TSHZ2: variants seen among roughly 807,000 people sequenced by gnomAD.
TSHZ2 encodes teashirt zinc finger homeobox 2.
A neutral mutation model predicts 74.4 loss-of-function variants in TSHZ2; 21 were observed. The observed-to-expected ratio is 0.28, with a 90% CI of 0.20 to 0.41. TSHZ2 has a LOEUF of 0.41. TSHZ2 is among the 10% of genes least tolerant of loss of function. The pLI is 1.00. For synonymous variants in TSHZ2, 540 were observed against 515.3 expected, an observed-to-expected ratio of 1.05 and a Z score of -0.65; for missense variants, 1,244 against 1,293.5, an observed-to-expected ratio of 0.96 and a Z score of 0.59.
At position 53,342,298 on chromosome 20, in the gene TSHZ2, CTTTTTTT is replaced by C. The variant is rs150260645; in HGVS notation, c.*8+85741_*8+85747del. On this transcript the variant is annotated intron_variant, in intron 2 of 2. Coordinates refer to ENST00000371497, the MANE Select transcript of TSHZ2 (RefSeq NM_173485.6). ...TTGTTGGCAGTAATATCTTCTCAGG[CTTTTTTT>C]TTTTTTTTTTTTTAATGATGACCTT... 4.3e-3 allele frequency among the ~76,000 whole-genome samples: 501 copies of C among 115,354 alleles called. 4 individuals carry two copies. The highest frequency in any genetic ancestry group is 0.016 in the African/African-American group (469 of 29,436). 75.7% of individuals were successfully genotyped at this position (115,354 alleles called of 152,430 possible).
At chr20:53,053,972 G>T (rs538780347) in intron 1 of TSHZ2, among the ~76,000 whole-genome samples, 2 of 152,122 alleles carry the variant, frequency 1.3e-5, no homozygotes, top group Non-Finnish European at 2.9e-5. Flanking sequence ...TCTTGACCAC[G>T]TATCCAATAA....
In TSHZ2 at chr20:53,494,436, C is replaced by T. The variant is rs1478135332; in HGVS notation, c.*7301C>T. ...AGGCAAAAAGAAACATTCACAGCGT[C>T]CCCTTGCTGAATAAAAATGACTTTG... is the stretch of plus-strand genomic sequence containing the variant. On this transcript the variant is annotated 3_prime_UTR_variant, in exon 3 of 3. Transcript: ENST00000371497. 1 of 152,178 alleles carries T rather than the reference C, an allele frequency of 6.6e-6. No individual in the cohort carries two copies. The highest frequency in any genetic ancestry group is 6.5e-5 in the Admixed American group (1 of 15,276). 9.4% of individuals were successfully genotyped at this position (152,178 alleles called of 1,614,324 possible). A position where few individuals can be genotyped will look rare whatever the true frequency, so the allele number is the denominator to read the frequency against.
chr20:53,084,888 T>A (rs2747398), intron 1 of TSHZ2, among the ~76,000 whole-genome samples: 68,323 of 151,800 alleles, frequency 0.45, 15,824 homozygotes, highest in Admixed American at 0.54. Context: ...GAAAGTAAGA[T>A]GCTTGGGTTT....
intron 2 of TSHZ2, among the ~76,000 whole-genome samples, chr20:53,310,171 T>A (rs1978719478): frequency 6.6e-6 from 1 of 152,210 alleles, no homozygotes; most frequent in South Asian, 2.1e-4. Flanking sequence ...GGTCAGCTAG[T>A]CCAACGTTTC....
intron 1 of TSHZ2, among the ~76,000 whole-genome samples, chr20:53,087,306 C>G (rs764986311): frequency 6.6e-6 from 1 of 152,196 alleles, no homozygotes; most frequent in Non-Finnish European, 1.5e-5. Context: ...TTCACGTTTC[C>G]GTTACTGTAG....
chr20:53,174,100 C>T (rs763773275), intron 1 of TSHZ2, among the ~76,000 whole-genome samples: 7 of 152,072 alleles, frequency 4.6e-5, no homozygotes, highest in Non-Finnish European at 1.0e-4. Context: ...GCTGGAGTGA[C>T]CAGCATGGCT....
At chr20:53,314,287 C>CAAAAAAAAAAAAAAAAAA (rs5841941) in intron 2 of TSHZ2, among the ~76,000 whole-genome samples, 2 of 131,710 alleles carry the variant, frequency 1.5e-5, no homozygotes, top group African/African-American at 2.9e-5. Flanking sequence ...GACTCTGTCT[C>CAAAAAAAAAAAAAAAAAA]AAAAAAAAAA....
chr20:53,056,673 G>A (rs1006439250), intron 1 of TSHZ2, among the ~76,000 whole-genome samples: 3 of 152,118 alleles, frequency 2.0e-5, no homozygotes, highest in African/African-American at 7.2e-5. Context: ...CTCAGCTGCA[G>A]ATTACCATCC....
At chr20:53,239,755 A>G (rs1228248612) in intron 1 of TSHZ2, among the ~76,000 whole-genome samples, 1 of 152,204 alleles carries the variant, frequency 6.6e-6, no homozygotes, top group African/African-American at 2.4e-5. Context: ...ACAAAAAATT[A>G]TAATATTTTG....
intron 2 of TSHZ2, among the ~76,000 whole-genome samples, chr20:53,384,453 A>G (rs1014398874): frequency 6.6e-6 from 1 of 152,204 alleles, no homozygotes; most frequent in Non-Finnish European, 1.5e-5. Flanking sequence ...TGGGGAGAGC[A>G]TCATATAGTC....
At chr20:53,038,272 C>T (rs1274570828) in intron 1 of TSHZ2, among the ~76,000 whole-genome samples, 1 of 139,360 alleles carries the variant, frequency 7.2e-6, no homozygotes, top group Non-Finnish European at 1.5e-5. Flanking sequence ...TTGAAACCTG[C>T]TTGATCCTTA....
intron 2 of TSHZ2, among the ~76,000 whole-genome samples, chr20:53,335,807 A>G (rs1979921739): frequency 7.8e-6 from 1 of 128,574 alleles, no homozygotes; most frequent in South Asian, 2.3e-4. Context: ...TCACTTCCCA[A>G]CCTCATCTGC....
rs531133470 is a variant in TSHZ2, at chr20:53,129,819, G to A, written c.41-123680G>A. Among the ~76,000 whole-genome samples the A allele has an allele frequency of 1.7e-3, 245 of 144,160 alleles. 1 individual carries two copies. Among genetic ancestry groups the A allele is most frequent in the Middle Eastern group, 3.5e-3 (1 of 282 alleles). 94.6% of individuals were successfully genotyped at this position (144,160 alleles called of 152,430 possible). On this transcript the variant is annotated intron_variant, in intron 1 of 2. Transcript: ENST00000371497. ...TGATCCACCCTTTTCTGTGGCCAGC[G>A]CTGGCTCCTGGCATCCTTCTGCTTG...
At chr20:53,118,422 A>T (rs540141132) in intron 1 of TSHZ2, among the ~76,000 whole-genome samples, 10 of 152,236 alleles carry the variant, frequency 6.6e-5, no homozygotes, top group Admixed American at 2.6e-4. Flanking sequence ...CAGAAAAAAA[A>T]ATAAAACAAA....
chr20:53,284,745 AAG>A (rs895752784), intron 2 of TSHZ2, among the ~76,000 whole-genome samples: 4 of 147,490 alleles, frequency 2.7e-5, no homozygotes, highest in African/African-American at 1.0e-4. Flanking sequence ...TGATGGCAAT[AAG>A]AGAGAGAAAG....
At chr20:53,134,383 CAA>C (rs1987188312) in intron 1 of TSHZ2, among the ~76,000 whole-genome samples, 1 of 152,118 alleles carries the variant, frequency 6.6e-6, no homozygotes, top group African/African-American at 2.4e-5. Flanking sequence ...AAAAAGAAAA[CAA>C]TATATGTTTT....
intron 2 of TSHZ2, among the ~76,000 whole-genome samples, chr20:53,453,532 C>G (rs1342316319): frequency 6.6e-6 from 1 of 152,132 alleles, no homozygotes; most frequent in Non-Finnish European, 1.5e-5. Context: ...TTACAATGCT[C>G]CATCGTGTGA....
chr20:53,029,961 C>T (rs1448625258), intron 1 of TSHZ2, among the ~76,000 whole-genome samples: 1 of 152,098 alleles, frequency 6.6e-6, no homozygotes, highest in Non-Finnish European at 1.5e-5. Context: ...ATCCTGTGAG[C>T]TGCATGCTTC....
intron 1 of TSHZ2, among the ~76,000 whole-genome samples, chr20:53,123,261 C>T (rs1986861109): frequency 6.6e-6 from 1 of 152,218 alleles, no homozygotes. Flanking sequence ...ATCTCAGTGC[C>T]ATAAACTTTA....
Sources: gnomAD v4.1 joint callset for allele counts (sites outside exome capture counted in the v4.1 genomes callset) on GRCh38, gnomAD v4.1.1 for gene constraint, MANE v1.5 for transcripts, NCBI Gene and HGNC (gene_info 2026-07-23, HGNC 2026-07-21) for gene names.